Variants in TTC7A observed in about 807,000 individuals in gnomAD.
The protein encoded by TTC7A is tetratricopeptide repeat domain 7A.
In TTC7A, 110 loss-of-function variants were observed where a neutral mutation model predicts 103.7. The observed-to-expected ratio is 1.06, with a 90% CI of 0.91 to 1.24. The LOEUF (loss-of-function observed/expected upper bound fraction) is 1.24. Among genes scored for constraint, TTC7A ranks in the 50% most tolerant of loss-of-function variants. The pLI is 0.00. For missense variants in TTC7A, 1,340 were observed against 1,116.3 expected (o/e 1.20, Z -2.86); for synonymous variants, 521 against 467.9 (o/e 1.11, Z -1.47).
At chr2:47,041,485 G>A (rs1351676763) in intron 15 of TTC7A, among the ~76,000 whole-genome samples, 1 of 152,226 alleles carries the variant, frequency 6.6e-6, no homozygotes, top group African/African-American at 2.4e-5. Context: ...AGTCGCGGTG[G>A]CTCAAGCCTG....
In TTC7A at chr2:47,011,373, CG is replaced by C; in HGVS notation, c.1332del (p.Ser446ArgfsTer7). ...CCTGCTGCGGGAGTGTGTGAAGTTG[CG>C]GCCCTCGGACCCCACCGTGCCCCTG... ...VSLLRECVKL[R>X]PSDPTVPLMA... On this transcript the variant is annotated frameshift_variant, in exon 11 of 20. Coordinates refer to ENST00000319190, the MANE Select transcript of TTC7A (RefSeq NM_020458.4). LOFTEE classifies it high-confidence loss of function. The C allele has an allele frequency of 6.2e-7, 1 of 1,612,660 alleles. No homozygotes were observed.
chr2:46,957,058 C>G, intron 3 of TTC7A, 51 bp downstream of exon 3: 2 of 1,607,530 alleles, frequency 1.2e-6, no homozygotes, highest in Non-Finnish European at 1.7e-6. Flanking sequence ...CAGCTCGTTG[C>G]ACTCTGACTC....
intron 2 of TTC7A, among the ~76,000 whole-genome samples, chr2:46,921,550 A>G (rs115668408): frequency 0.078 from 11,893 of 152,276 alleles, 628 homozygotes; most frequent in Non-Finnish European, 0.11. Context: ...TTGTCAAAGC[A>G]TAACTCAAAG....
chr2:46,965,138 G>T (rs1340299869), intron 3 of TTC7A, among the ~76,000 whole-genome samples: 2 of 152,306 alleles, frequency 1.3e-5, no homozygotes, highest in South Asian at 2.1e-4. Flanking sequence ...TCCTCTCCCC[G>T]CCCGTTGAAG....
rs560777699 is a variant in TTC7A, at chr2:46,941,838, C to G, written c.184+113C>G. On this transcript the variant is annotated intron_variant, in intron 1 of 19. Coordinates refer to ENST00000319190, the MANE Select transcript of TTC7A (RefSeq NM_020458.4). This position sits in a 1 kb window ranked among gnomAD's most constrained non-coding sequence, Gnocchi z 4.2. ...CGACAGCGGGCGCCTGCCAGCCCAC[C>G]GTGCTAGTCTTAAGAGCAGCCAGGG... 7.4e-5 allele frequency: 101 copies of G among 1,372,778 alleles called. 1 individual carries two copies. Among genetic ancestry groups the G allele is most frequent in the Middle Eastern group, 2.5e-4 (1 of 3,994 alleles). The allele number at this position is 1,372,778 out of a possible 1,614,324, so 85.0% of individuals were successfully genotyped here. A position where few individuals can be genotyped will look rare whatever the true frequency, so the allele number is the denominator to read the frequency against.
At chr2:46,994,840 G>A (rs935345251) in intron 7 of TTC7A, among the ~76,000 whole-genome samples, 2 of 152,184 alleles carry the variant, frequency 1.3e-5, no homozygotes, top group East Asian at 1.9e-4. Flanking sequence ...CCAGCAGAGC[G>A]TAGTTCTGGC....
upstream of TTC7A, among the ~76,000 whole-genome samples, chr2:46,940,558 T>C (rs1670242435): frequency 6.6e-6 from 1 of 152,174 alleles, no homozygotes; most frequent in Non-Finnish European, 1.5e-5. The surrounding 1 kb of genome is among the most constrained non-coding windows in gnomAD (Gnocchi z 4.7). Context: ...TAGACCAGCA[T>C]GAAGAAATAA....
intron 19 of TTC7A, among the ~76,000 whole-genome samples, 164 bp from the exon 20 acceptor site, chr2:47,073,538 T>C (rs988302564): frequency 6.6e-6 from 1 of 152,050 alleles, no homozygotes; most frequent in African/African-American, 2.4e-5. Context: ...AGGTAGGATT[T>C]GTATGGGGAA....
chr2:47,073,803 G>A lies in TTC7A; in HGVS notation c.2457G>A (p.Leu819=). 9 of 1,613,752 alleles carry A rather than the reference G, an allele frequency of 5.6e-6. No individual in the cohort carries two copies. The highest frequency in any genetic ancestry group is 7.6e-6 in the Non-Finnish European group (9 of 1,179,998). ...CGTGCCACGAGGCGTGGCAGGGCCT[G>A]GGCGAGGTGCTGCAGGCCCAGGGCC... is the stretch of plus-strand genomic sequence containing the variant. The part of the protein sequence containing the change: ...QSTCHEAWQG[L]GEVLQAQGQN... Residue 819 remains leucine, a synonymous_variant, in exon 20 of 20, where the codon CTG becomes CTA. Transcript: ENST00000319190.
At chr2:47,042,473 C>T (rs865971111) in intron 15 of TTC7A, among the ~76,000 whole-genome samples, 9 of 151,652 alleles carry the variant, frequency 5.9e-5, no homozygotes, top group African/African-American at 2.2e-4. Flanking sequence ...CTGCACTCTG[C>T]CTGGGCAGCA....
At chr2:47,020,262 C>A (rs1223396028) in intron 11 of TTC7A, among the ~76,000 whole-genome samples, 1 of 152,234 alleles carries the variant, frequency 6.6e-6, no homozygotes, top group African/African-American at 2.4e-5. Flanking sequence ...TGGAGCCTGT[C>A]TGGGGCTTGT....
chr2:47,061,575 C>CT (rs1683784501), intron 19 of TTC7A, among the ~76,000 whole-genome samples: 2 of 152,210 alleles, frequency 1.3e-5, no homozygotes, highest in Non-Finnish European at 1.5e-5. Context: ...GCACAGTGGC[C>CT]TCCCTGTGGG....
chr2:47,059,814 A>G (rs1683621089), intron 18 of TTC7A, among the ~76,000 whole-genome samples: 1 of 152,144 alleles, frequency 6.6e-6, no homozygotes, highest in Non-Finnish European at 1.5e-5. Context: ...CCTTAGTCCC[A>G]TGCCTTGACC....
intron 11 of TTC7A, among the ~76,000 whole-genome samples, chr2:47,017,526 G>T (rs1190421725): frequency 6.6e-6 from 1 of 152,130 alleles, no homozygotes; most frequent in Non-Finnish European, 1.5e-5. Flanking sequence ...TACAGAGCGA[G>T]ACCCCATCTC....
At position 46,978,747 on chromosome 2, in the gene TTC7A, C is replaced by T. The variant is rs577036457; in HGVS notation, c.649-45C>T. 3.2e-6 allele frequency: 5 copies of T among 1,547,750 alleles called. No individual in the cohort carries two copies. The East Asian group carries it at 1.1e-4, about 35-fold the overall frequency. ...CTCCTCTTGCTGAGTGACCCTCTGC[C>T]TCAGAACTTTGAGACAATGGCTCTC... On this transcript the variant is annotated intron_variant, in intron 4 of 19. Coordinates refer to ENST00000319190, the MANE Select transcript of TTC7A (RefSeq NM_020458.4).
At chr2:46,947,229 A>G (rs1284831141) in intron 1 of TTC7A, among the ~76,000 whole-genome samples, 1 of 152,196 alleles carries the variant, frequency 6.6e-6, no homozygotes, top group African/African-American at 2.4e-5. Context: ...GACCCTAACA[A>G]TATTGCATAT....
chr2:47,025,541 G>C (rs540920295), intron 14 of TTC7A, among the ~76,000 whole-genome samples: 1 of 152,136 alleles, frequency 6.6e-6, no homozygotes, highest in Non-Finnish European at 1.5e-5. Flanking sequence ...TACTCTCAGT[G>C]CTGGGACCCC....
intron 19 of TTC7A, chr2:47,068,710 C>G (rs762675583): frequency 6.6e-6 from 1 of 151,880 alleles, no homozygotes; most frequent in East Asian, 1.9e-4. Context: ...ACACACACAC[C>G]CTGAGCCCTG....
At chr2:46,974,717 C>T (rs1349033159) in intron 3 of TTC7A, 2 of 580,094 alleles carry the variant, frequency 3.4e-6, no homozygotes, top group Non-Finnish European at 6.5e-6. Context: ...GAGGAGGGGT[C>T]AGGAGTGGCT....
Sources: allele counts gnomAD v4.1 joint callset (sites outside exome capture counted in the v4.1 genomes callset), GRCh38; gene constraint gnomAD v4.1.1; non-coding constraint Gnocchi (gnomAD v3.1); transcripts MANE v1.5; gene names NCBI Gene and HGNC (gene_info 2026-07-23, HGNC 2026-07-21).